Variants in NOXRED1 observed in about 807,000 individuals in gnomAD.
NOXRED1 encodes NADP-dependent oxidoreductase domain-containing protein 1.
In NOXRED1, 20 loss-of-function variants were observed where a neutral mutation model predicts 30.4. The ratio of observed to expected loss-of-function variants is 0.66; its 90% CI spans 0.46 to 0.96. The LOEUF (loss-of-function observed/expected upper bound fraction) is 0.96, where lower values mean the gene tolerates loss of function less well. NOXRED1 is among the 40% of genes least tolerant of loss of function. NOXRED1 has a pLI of 0.00. For synonymous variants in NOXRED1, 155 were observed against 168.0 expected (o/e 0.92, Z 0.60); for missense variants, 374 against 428.0 (o/e 0.87, Z 1.11).
intron 1 of NOXRED1, among the ~76,000 whole-genome samples, chr14:77,421,448 C>A (rs561694995): frequency 2.7e-4 from 41 of 152,290 alleles, no homozygotes; most frequent in Non-Finnish European, 5.1e-4. Flanking sequence ...TCCTACGATA[C>A]ACCCACTCTT....
chr14:77,417,175 A>G (rs1894852270), intron 1 of NOXRED1, among the ~76,000 whole-genome samples: 1 of 150,664 alleles, frequency 6.6e-6, no homozygotes, highest in Non-Finnish European at 1.5e-5. Context: ...GTATGATTTG[A>G]ATCTTCTTAA....
At chr14:77,403,263 A>G (rs937617400) in intron 5 of NOXRED1, among the ~76,000 whole-genome samples, 5 of 152,214 alleles carry the variant, frequency 3.3e-5, no homozygotes, top group Admixed American at 2.6e-4. Flanking sequence ...TGTTTTTATT[A>G]TGGAAATTTT....
chr14:77,408,498 AC>A (rs1474614704), intron 2 of NOXRED1, among the ~76,000 whole-genome samples: 1 of 152,000 alleles, frequency 6.6e-6, no homozygotes, highest in Non-Finnish European at 1.5e-5. Context: ...TGCTGCCCAG[AC>A]TTTTTTTTTA....
chr14:77,408,514 GA>G (rs1386041267), intron 2 of NOXRED1, among the ~76,000 whole-genome samples: 14 of 151,674 alleles, frequency 9.2e-5, no homozygotes, highest in African/African-American at 2.9e-4. Flanking sequence ...TTTTTAGGAA[GA>G]AAAAAAATCT....
chr14:77,402,681 G>T (rs1894359279), intron 5 of NOXRED1, among the ~76,000 whole-genome samples: 1 of 151,980 alleles, frequency 6.6e-6, no homozygotes, highest in Non-Finnish European at 1.5e-5. Context: ...AAATGGGCCA[G>T]AGACCTTAAC....
intron 1 of NOXRED1, among the ~76,000 whole-genome samples, chr14:77,414,376 T>A (rs540187066): frequency 6.6e-6 from 1 of 152,212 alleles, no homozygotes; most frequent in East Asian, 1.9e-4. Context: ...AAACAGGGTT[T>A]CACTGTATTA....
rs1894482342 is a variant in NOXRED1, at chr14:77,406,840, C to T, written c.566G>A (p.Arg189Gln). ...ATCTTCATCATACTGATACTGAGGC[C>T]GCAAGATATTGGTGTGGTTCAACAG... The part of the protein sequence containing the change: ...KLLLNHTNIL[R>Q]PQYQYDEDSV... Residue 189 changes from arginine (R) to glutamine (Q), a missense_variant, in exon 4 of 6, where the codon CGG becomes CAG. Transcript: ENST00000380835. 3 of 1,613,998 alleles carry T rather than the reference C, an allele frequency of 1.9e-6. No homozygotes were observed. Among genetic ancestry groups the T allele is most frequent in the Non-Finnish European group, 2.5e-6 (3 of 1,179,962 alleles).
upstream of NOXRED1, among the ~76,000 whole-genome samples, chr14:77,425,675 A>G (rs1251573209): frequency 6.6e-6 from 1 of 152,226 alleles, no homozygotes; most frequent in Non-Finnish European, 1.5e-5. Context: ...TGGGCAGGAT[A>G]ATCCTTTGTT....
chr14:77,408,057 G>T (rs559765317), intron 2 of NOXRED1, among the ~76,000 whole-genome samples: 2 of 151,928 alleles, frequency 1.3e-5, no homozygotes, highest in Non-Finnish European at 2.9e-5. Context: ...TAGTAGAGAC[G>T]GGGTTTCACT....
intron 1 of NOXRED1, among the ~76,000 whole-genome samples, chr14:77,421,078 A>G (rs762812744): frequency 2.0e-5 from 3 of 152,228 alleles, no homozygotes; most frequent in Non-Finnish European, 2.9e-5. Context: ...GCAGCCCCCA[A>G]AAAGGCAGAA....
rs1427085528 is a variant in NOXRED1 at position 77,415,018 on chromosome 14, A to C, written c.156-891T>G. Among the ~76,000 whole-genome samples, 4 of 152,148 alleles carry C rather than the reference A, an allele frequency of 2.6e-5. No homozygotes were observed. In the East Asian group the frequency reaches 7.7e-4, roughly 29 times the overall value. On this transcript the variant is annotated intron_variant, in intron 1 of 5. Coordinates refer to ENST00000380835, the MANE Select transcript of NOXRED1 (RefSeq NM_001113475.3). ...ATGTAAGACCTCGTCTCTACAAAAA[A>C]TACAAGAATTAGCCAGGTATGGTGG...
At chr14:77,412,224 T>C (rs1478056274) in intron 2 of NOXRED1, among the ~76,000 whole-genome samples, 1 of 152,162 alleles carries the variant, frequency 6.6e-6, no homozygotes, top group Admixed American at 6.5e-5. Flanking sequence ...ACATAAATTA[T>C]GGTACATCCA....
intron 5 of NOXRED1, among the ~76,000 whole-genome samples, chr14:77,400,221 T>C (rs1286748892): frequency 6.6e-6 from 1 of 152,118 alleles, no homozygotes. Context: ...AGAAGTTCCT[T>C]AGGAGGAAAA....
intron 2 of NOXRED1, among the ~76,000 whole-genome samples, chr14:77,412,346 G>A (rs536025928): frequency 3.9e-5 from 6 of 152,174 alleles, no homozygotes; most frequent in South Asian, 4.2e-4. Flanking sequence ...GAATAGTGTA[G>A]GGTGTCTAGT....
chr14:77,408,047 T>C (rs148960138), intron 2 of NOXRED1, among the ~76,000 whole-genome samples: 1,944 of 152,124 alleles, frequency 0.013, 41 homozygotes, highest in African/African-American at 0.045. Flanking sequence ...TTTGTATTTT[T>C]AGTAGAGACG....
At position 77,413,923 on chromosome 14, in the gene NOXRED1, C is replaced by A; in HGVS notation, c.349+11G>T. On this transcript the variant is annotated intron_variant, in intron 2 of 5. Coordinates refer to ENST00000380835, the MANE Select transcript of NOXRED1 (RefSeq NM_001113475.3). ...AACCAAGCCCCCTTTCTACCACACA[C>A]TGCTCCTCACCCAGAGTCTCTGGCC... 6.4e-7 allele frequency: 1 copy of A among 1,567,070 alleles called. No homozygotes were observed. Among genetic ancestry groups the A allele is most frequent in the Non-Finnish European group, 8.7e-7 (1 of 1,150,866 alleles).
intron 5 of NOXRED1, 37 bp downstream of exon 5, chr14:77,405,876 G>C (rs1277277162): frequency 8.1e-7 from 1 of 1,232,308 alleles, no homozygotes; most frequent in African/African-American, 1.5e-5. Context: ...GAAGAGTCTG[G>C]GAGAAATGAG....
chr14:77,412,719 G>A (rs1012238151), intron 2 of NOXRED1, among the ~76,000 whole-genome samples: 3 of 152,104 alleles, frequency 2.0e-5, no homozygotes, highest in African/African-American at 7.2e-5. Context: ...CACCATGTTG[G>A]CCAGGCTGGT....
chr14:77,405,785 A>C lies in NOXRED1; in HGVS notation c.905+128T>G, dbSNP rs552071407. 2.2e-4 allele frequency: 141 copies of C among 632,156 alleles called. 1 individual carries two copies. The South Asian group carries it at 2.4e-3, about 11-fold the overall frequency. 39.2% of individuals were successfully genotyped at this position (632,156 alleles called of 1,614,324 possible). On this transcript the variant is annotated intron_variant, in intron 5 of 5. Coordinates refer to ENST00000380835, the MANE Select transcript of NOXRED1 (RefSeq NM_001113475.3). ...TGGCATTTACTTTTCCACTAGTTGAAATTCTTTACAAAAAGGTATAATTTT... is the reference window on the plus strand; with the variant it reads ...TGGCATTTACTTTTCCACTAGTTGACATTCTTTACAAAAAGGTATAATTTT...
Sources: gnomAD v4.1 joint callset for allele counts (sites outside exome capture counted in the v4.1 genomes callset) on GRCh38, gnomAD v4.1.1 for gene constraint, MANE v1.5 for transcripts, NCBI Gene and HGNC (gene_info 2026-07-23, HGNC 2026-07-21) for gene names.